Variants in TTC17 observed in about 807,000 individuals in gnomAD.
The protein encoded by TTC17 is tetratricopeptide repeat domain 17.
Under a neutral mutation model 143.8 loss-of-function variants are expected in TTC17, and 58 were observed. That is an observed-to-expected ratio of 0.40 (90% CI 0.33 to 0.50). The LOEUF is 0.50. Ranked by LOEUF, TTC17 falls within the 20% of genes least tolerant of loss-of-function variation. The pLI, the probability that TTC17 is intolerant of heterozygous loss-of-function variation, is 0.49. For synonymous variants in TTC17, 501 were observed against 497.8 expected (o/e 1.01, Z -0.09); for missense variants, 1,273 against 1,392.5 (o/e 0.91, Z 1.37).
intron 17 of TTC17, 83 bp from the exon 18 acceptor site, chr11:43,443,973 G>T (rs1947481561): frequency 2.1e-6 from 3 of 1,450,952 alleles, no homozygotes; most frequent in East Asian, 4.6e-5. Context: ...ACAGTACTTG[G>T]TTATTCTTAA....
chr11:43,382,035 G>A (rs183890869), intron 2 of TTC17, among the ~76,000 whole-genome samples: 2 of 152,250 alleles, frequency 1.3e-5, no homozygotes, highest in East Asian at 3.9e-4. Flanking sequence ...ATAGAAATTT[G>A]TTAGTCATTG....
At chr11:43,427,511 G>T (rs1434939204) in intron 16 of TTC17, among the ~76,000 whole-genome samples, 2 of 152,126 alleles carry the variant, frequency 1.3e-5, no homozygotes, top group Non-Finnish European at 2.9e-5. Flanking sequence ...CATACATCCT[G>T]CTTTGCTAGT....
chr11:43,434,041 C>G (rs1024573756), intron 16 of TTC17, among the ~76,000 whole-genome samples: 2 of 152,162 alleles, frequency 1.3e-5, no homozygotes, highest in Non-Finnish European at 2.9e-5. Context: ...CTTAACTACA[C>G]ATACCAGATG....
chr11:43,494,029 G>A lies in TTC17; in HGVS notation c.*125G>A. Reference sequence around the variant, plus strand: ...TGAAAATAACTAAGACTTATAACAGGACTTTTACATATGTGGGAATTGGTT... The same window carrying A: ...TGAAAATAACTAAGACTTATAACAGAACTTTTACATATGTGGGAATTGGTT... On this transcript the variant is annotated 3_prime_UTR_variant, in exon 24 of 24. Coordinates refer to ENST00000039989, the MANE Select transcript of TTC17 (RefSeq NM_018259.6). The A allele has an allele frequency of 7.6e-7, 1 of 1,314,782 alleles. No individual in the cohort carries two copies. Among genetic ancestry groups the A allele is most frequent in the Non-Finnish European group, 1.0e-6 (1 of 988,968 alleles). 81.4% of individuals were successfully genotyped at this position (1,314,782 alleles called of 1,614,324 possible).
chr11:43,427,274 A>C (rs1022204113), intron 16 of TTC17, among the ~76,000 whole-genome samples: 1 of 152,194 alleles, frequency 6.6e-6, no homozygotes, highest in African/African-American at 2.4e-5. Flanking sequence ...GTGGGTAGCT[A>C]GGAAATCTAA....
intron 16 of TTC17, among the ~76,000 whole-genome samples, chr11:43,430,987 ATTG>A (rs1215867648): frequency 6.6e-6 from 1 of 151,856 alleles, no homozygotes; most frequent in Non-Finnish European, 1.5e-5. Flanking sequence ...ATGTGTTCTC[ATTG>A]TTCAGCTCCC....
At chr11:43,442,675 A>AT (rs1250231382) in intron 16 of TTC17, among the ~76,000 whole-genome samples, 1 of 152,246 alleles carries the variant, frequency 6.6e-6, no homozygotes, top group Non-Finnish European at 1.5e-5. Flanking sequence ...CTGAGTTCTC[A>AT]GGAGAGAGAA....
At chr11:43,405,210 C>G (rs1387743991) in intron 11 of TTC17, among the ~76,000 whole-genome samples, 1 of 147,740 alleles carries the variant, frequency 6.8e-6, no homozygotes, top group Non-Finnish European at 1.5e-5. Flanking sequence ...ATTTTTTGTT[C>G]ATATGTAACG....
At position 43,448,056 on chromosome 11, in the gene TTC17, A is replaced by G. The variant is rs376236427; in HGVS notation, c.2720A>G (p.Lys907Arg). 24 of 1,614,154 alleles carry G rather than the reference A, an allele frequency of 1.5e-5. No individual in the cohort carries two copies. The highest frequency in any genetic ancestry group is 1.9e-5 in the Non-Finnish European group (23 of 1,180,002). ...LGWPSPDECLKLRWVELTAIV... is the reference protein window; with the variant it reads ...LGWPSPDECLRLRWVELTAIV... ...TGGCCCAGCCCGGACGAATGCCTCAAACTCCGCTGGGTAGAGCTGACTGCC... is the reference window on the plus strand; with the variant it reads ...TGGCCCAGCCCGGACGAATGCCTCAGACTCCGCTGGGTAGAGCTGACTGCC... The change falls in exon 19 of 24, where the codon AAA (lysine) becomes AGA (arginine). Residue 907 changes from lysine to arginine, a missense_variant. By Grantham distance (26) the Lys-to-Arg change is conservative (BLOSUM62 2). Around this residue, in one of 3 missense-constraint regions of TTC17, gnomAD observed 878 missense variants for 899.8 expected, o/e 0.98. Coordinates refer to ENST00000039989, the MANE Select transcript of TTC17 (RefSeq NM_018259.6).
intron 1 of TTC17, among the ~76,000 whole-genome samples, chr11:43,364,786 T>C (rs1282361454): frequency 6.6e-6 from 1 of 152,196 alleles, no homozygotes; most frequent in Non-Finnish European, 1.5e-5. Context: ...TTTCCCACTT[T>C]TTCAATTTTT....
intron 18 of TTC17, among the ~76,000 whole-genome samples, chr11:43,444,659 A>G (rs756270128): frequency 2.0e-5 from 3 of 152,032 alleles, no homozygotes; most frequent in Non-Finnish European, 2.9e-5. Context: ...CTACAAATCA[A>G]TATGAAACAT....
At position 43,400,410 on chromosome 11, in the gene TTC17, G is replaced by A. The variant is rs985420693; in HGVS notation, c.1219+362G>A. 9.9e-5 allele frequency among the ~76,000 whole-genome samples: 15 copies of A among 152,162 alleles called. No homozygotes were observed. In the East Asian group the frequency reaches 2.9e-3, roughly 29 times the overall value. Reference sequence around the variant, plus strand: ...TATGATTCAGTAGGTCTGAATTGAGGCCTGAGAGTCTGCCTTCCTAATAAG... The same window carrying A: ...TATGATTCAGTAGGTCTGAATTGAGACCTGAGAGTCTGCCTTCCTAATAAG... On this transcript the variant is annotated intron_variant, in intron 9 of 23. Transcript: ENST00000039989.
rs1857402881 is a variant in TTC17 at position 43,391,877 on chromosome 11, C to T, written c.588C>T (p.Ile196=). The T allele has an allele frequency of 1.2e-6, 2 of 1,614,022 alleles. No individual in the cohort carries two copies. The highest frequency in any genetic ancestry group is 1.7e-6 in the Non-Finnish European group (2 of 1,179,992). The part of the protein sequence containing the change: ...SAPLLPKEDP[I]FTYLSKRLGR... ...CTCTGCTACCTAAAGAAGACCCAATCTTCACATATTTATCTAAACGGTTAG... is the reference window on the plus strand; with the variant it reads ...CTCTGCTACCTAAAGAAGACCCAATTTTCACATATTTATCTAAACGGTTAG... The change falls in exon 5 of 24, where the codon ATC becomes ATT. Residue 196 remains isoleucine, a synonymous_variant. Transcript: ENST00000039989.
intron 16 of TTC17, among the ~76,000 whole-genome samples, chr11:43,434,463 TCTA>T (rs1201315291): frequency 6.6e-6 from 1 of 152,164 alleles, no homozygotes; most frequent in Non-Finnish European, 1.5e-5. Context: ...AGATCTCAGA[TCTA>T]CTACTTACTT....
At chr11:43,487,907 C>G (rs1205931030) in intron 21 of TTC17, among the ~76,000 whole-genome samples, 1 of 152,200 alleles carries the variant, frequency 6.6e-6, no homozygotes, top group African/African-American at 2.4e-5. Flanking sequence ...TGTCCTTCTT[C>G]TAGCTCCTTC....
chr11:43,378,465 A>G (rs747818909), intron 1 of TTC17, among the ~76,000 whole-genome samples: 7 of 152,044 alleles, frequency 4.6e-5, no homozygotes, highest in Non-Finnish European at 8.8e-5. Context: ...CTGTCACTTT[A>G]TTGATTTACT....
intron 15 of TTC17, among the ~76,000 whole-genome samples, chr11:43,409,726 A>G (rs1858316480): frequency 6.6e-6 from 1 of 152,236 alleles, no homozygotes; most frequent in African/African-American, 2.4e-5. Context: ...GTCGTGTTAT[A>G]CTACCTCTGA....
chr11:43,431,918 C>G (rs1340225584), intron 16 of TTC17, among the ~76,000 whole-genome samples: 3 of 152,190 alleles, frequency 2.0e-5, no homozygotes, highest in Non-Finnish European at 4.4e-5. Flanking sequence ...TACCCATAAC[C>G]ACTGCTCTAA....
At chr11:43,404,228 A>G (rs1858008594) in intron 11 of TTC17, 84 bp downstream of exon 11, 1 of 1,342,894 alleles carries the variant, frequency 7.4e-7, no homozygotes, top group African/African-American at 1.5e-5. Context: ...ACTGATTAAT[A>G]TGGCCTCTAT....
Sources: allele counts gnomAD v4.1 joint callset (sites outside exome capture counted in the v4.1 genomes callset), GRCh38; gene constraint gnomAD v4.1.1; regional missense constraint gnomAD v4.1.1; transcripts MANE v1.5; gene names NCBI Gene and HGNC (gene_info 2026-07-23, HGNC 2026-07-21).